AIRE: variants seen among roughly 807,000 people sequenced by gnomAD.
AIRE encodes the protein autoimmune polyendocrinopathy candidiasis ectodermal dystrophy protein.
A neutral mutation model predicts 62.1 loss-of-function variants in AIRE; 52 were observed. That is an observed-to-expected ratio of 0.84 (90% confidence interval 0.67 to 1.06). The LOEUF (loss-of-function observed/expected upper bound fraction) is 1.06. Ranked by LOEUF, AIRE falls within the 50% of genes least tolerant of loss-of-function variation. The pLI, the probability that AIRE is intolerant of heterozygous loss-of-function variation, is 0.00. For synonymous variants in AIRE, 342 were observed against 321.6 expected (o/e 1.06, Z -0.68); for missense variants, 774 against 755.8 (o/e 1.02, Z -0.28).
Position 44,297,628 on chromosome 21 carries a change from AG to A in AIRE, c.1567-26del, listed in dbSNP as rs1286746571. 1 of 1,588,908 alleles carries A rather than the reference AG, an allele frequency of 6.3e-7. No individual in the cohort carries two copies. The highest frequency in any genetic ancestry group is 1.3e-5 in the African/African-American group (1 of 74,276). Reference sequence around the variant, plus strand: ...GTGGCTGCGGCGGGGGCGCACCTGGAGGTTCTCACCGTCACTCTGTCCCGCA... The same window carrying A: ...GTGGCTGCGGCGGGGGCGCACCTGGAGTTCTCACCGTCACTCTGTCCCGCA... On this transcript the variant is annotated intron_variant, in intron 13 of 13. Coordinates refer to ENST00000291582, the MANE Select transcript of AIRE (RefSeq NM_000383.4). This position sits in a 1 kb window ranked among gnomAD's most constrained non-coding sequence, Gnocchi z 4.8.
intron 13 of AIRE, 23 bp downstream of exon 13, chr21:44,296,468 G>A (rs1418140710): frequency 1.2e-6 from 2 of 1,605,574 alleles, no homozygotes; most frequent in Non-Finnish European, 1.7e-6. Context: ...CTGGCCTCCT[G>A]GTGCTCCTCC....
intron 8 of AIRE, among the ~76,000 whole-genome samples, chr21:44,291,973 A>C (rs987321186): frequency 8.5e-5 from 13 of 152,142 alleles, no homozygotes; most frequent in Non-Finnish European, 2.9e-5. Flanking sequence ...TCCCCTTAAC[A>C]GGTGGGTCAG....
chr21:44,292,008 C>T (rs2040546122), intron 8 of AIRE, among the ~76,000 whole-genome samples: 1 of 152,192 alleles, frequency 6.6e-6, no homozygotes, highest in African/African-American at 2.4e-5. Flanking sequence ...CGGCAGGGCC[C>T]AGCCCTGAGA....
At chr21:44,290,126 C>A (rs1317837492) in intron 7 of AIRE, 58 bp downstream of exon 7, 1 of 1,568,752 alleles carries the variant, frequency 6.4e-7, no homozygotes, top group Non-Finnish European at 8.7e-7. Context: ...TCGGGTGGGT[C>A]CTGCTGCCTC....
Position 44,292,671 on chromosome 21 carries a change from C to T in AIRE, c.1095+270C>T, listed in dbSNP as rs74822474. On this transcript the variant is annotated intron_variant, in intron 9 of 13. Transcript: ENST00000291582. Reference sequence around the variant, plus strand: ...GCACTATGAGCATTGATAACGGCCCCGGAAGATGTGTTCCTTGTTCTGCTG... The same window carrying T: ...GCACTATGAGCATTGATAACGGCCCTGGAAGATGTGTTCCTTGTTCTGCTG... Among the ~76,000 whole-genome samples, 1,060 of 152,300 alleles carry T rather than the reference C, an allele frequency of 7.0e-3. 13 individuals carry two copies. The highest frequency in any genetic ancestry group is 0.024 in the African/African-American group (980 of 41,550).
At chr21:44,289,454 T>G in intron 5 of AIRE, 1 of 640,624 alleles carries the variant, frequency 1.6e-6, no homozygotes, top group Admixed American at 3.0e-5. Context: ...GGACGTGAAC[T>G]TCGGGGGACG....
intron 5 of AIRE, 185 bp downstream of exon 5, chr21:44,288,643 C>G (rs1023438054): frequency 1.7e-6 from 1 of 586,864 alleles, no homozygotes; most frequent in East Asian, 2.8e-5. Flanking sequence ...GTCTCCCTGT[C>G]GGGGGACCTT....
chr21:44,288,222 C>T, intron 4 of AIRE, 123 bp from the exon 5 acceptor site: 4 of 822,482 alleles, frequency 4.9e-6, no homozygotes, highest in Non-Finnish European at 8.3e-6. Context: ...GGGTCCCCTC[C>T]TTGGCCTGCC....
In AIRE at chr21:44,291,101, G is replaced by A; in HGVS notation, c.886G>A (p.Glu296Lys). ...PSDPQLHQKN[E>K]DECAVCRDGG... is the part of the protein sequence containing the mutation. ...CGTCTCTTGCCTGTGCCAGAAGAAT[G>A]AGGACGAGTGTGCCGTGTGTCGGGA... The change falls in exon 8 of 14, where the codon GAG becomes AAG. Residue 296 changes from glutamate (E) to lysine (K), a missense_variant. Around this residue, in one of 3 missense-constraint regions of AIRE, gnomAD observed 35 missense variants for 63.7 expected, o/e 0.55. Coordinates refer to ENST00000291582, the MANE Select transcript of AIRE (RefSeq NM_000383.4). 2 of 1,613,014 alleles carry A rather than the reference G, an allele frequency of 1.2e-6. No individual in the cohort carries two copies. Among genetic ancestry groups the A allele is most frequent in the Non-Finnish European group, 8.5e-7 (1 of 1,179,814 alleles).
chr21:44,285,935 G>A lies in AIRE; in HGVS notation c.-72G>A, dbSNP rs1601963858. The A allele has an allele frequency of 4.1e-6, 6 of 1,451,006 alleles. No individual in the cohort carries two copies. In the Admixed American group the frequency reaches 6.6e-5, roughly 16 times the overall value. 89.9% of individuals were successfully genotyped at this position (1,451,006 alleles called of 1,614,324 possible). On this transcript the variant is annotated 5_prime_UTR_variant, in exon 1 of 14. Coordinates refer to ENST00000291582, the MANE Select transcript of AIRE (RefSeq NM_000383.4). ...CCCCACAGCCCCGCCGGGACCCGAGGCCAAGCGAGGGGCTGCCAGTGTCCC... is the reference window on the plus strand; with the variant it reads ...CCCCACAGCCCCGCCGGGACCCGAGACCAAGCGAGGGGCTGCCAGTGTCCC...
Position 44,290,050 on chromosome 21 carries a change from T to C in AIRE, c.861T>C (p.Ser287=). ...TTCCCGCCCCTCTGGCCCTCCCCAG[T>C]GACCCCCAGCTCCACCAGGTAATGC... ...GSVPAPLALP[S]DPQLHQKNED... is the part of the protein sequence containing the mutation. The change falls in exon 7 of 14, where the codon AGT becomes AGC. Residue 287 remains serine, a synonymous_variant. Transcript: ENST00000291582. 6.2e-7 allele frequency: 1 copy of C among 1,612,078 alleles called. No individual in the cohort carries two copies. The highest frequency in any genetic ancestry group is 8.5e-7 in the Non-Finnish European group (1 of 1,179,692).
rs55957439 is a variant in AIRE at position 44,297,742 on chromosome 21, G to A, written c.*15G>A. The A allele has an allele frequency of 3.1e-5, 49 of 1,604,008 alleles. No individual in the cohort carries two copies. The East Asian group carries it at 1.1e-3, about 35-fold the overall frequency. ...TCCCCTCCTGACCCCAGATGGCCGGGACATGCAGCTCTGATGAGAGAGTGC... is the reference window on the plus strand; with the variant it reads ...TCCCCTCCTGACCCCAGATGGCCGGAACATGCAGCTCTGATGAGAGAGTGC... On this transcript the variant is annotated 3_prime_UTR_variant, in exon 14 of 14. Transcript: ENST00000291582. This position sits in a 1 kb window ranked among gnomAD's most constrained non-coding sequence, Gnocchi z 4.8.
rs386833673 is a variant in AIRE at position 44,297,727 on chromosome 21, A to T, written c.1638A>T (p.Ter546CysextTer60). 5 of 1,609,712 alleles carry T rather than the reference A, an allele frequency of 3.1e-6. No individual in the cohort carries two copies. The change falls in exon 14 of 14, where the codon TGA becomes TGT. Residue 546 changes from the stop codon to cysteine, a stop_lost. Transcript: ENST00000291582. The surrounding 1 kb of genome is among the most constrained non-coding windows in gnomAD (Gnocchi z 4.8). ...GTCCGGCGGCCCCCTTCCCCTCCTG[A>T]CCCCAGATGGCCGGGACATGCAGCT... is the stretch of plus-strand genomic sequence containing the variant. ...MARPAAPFPS[*>C] is the part of the protein sequence containing the mutation.
rs776250447 is a variant in AIRE at position 44,292,441 on chromosome 21, T to A, written c.1095+40T>A. 24 of 1,411,406 alleles carry A rather than the reference T, an allele frequency of 1.7e-5. No individual in the cohort carries two copies. In the Admixed American group the frequency reaches 4.6e-4, roughly 27 times the overall value. 87.4% of individuals were successfully genotyped at this position (1,411,406 alleles called of 1,614,324 possible). A position where few individuals can be genotyped will look rare whatever the true frequency, so the allele number is the denominator to read the frequency against. The stretch of plus-strand genomic sequence containing the variant: ...CCTCCTAGCCGGGCCACCCCTCCTG[T>A]CCACATGGCCACGCCCCCTCCTAGG... On this transcript the variant is annotated intron_variant, in intron 9 of 13. Coordinates refer to ENST00000291582, the MANE Select transcript of AIRE (RefSeq NM_000383.4).
chr21:44,297,777 C>T lies in AIRE; in HGVS notation c.*50C>T, dbSNP rs768160103. The T allele has an allele frequency of 1.3e-6, 2 of 1,541,372 alleles. No homozygotes were observed. Among genetic ancestry groups the T allele is most frequent in the Non-Finnish European group, 1.8e-6 (2 of 1,117,266 alleles). On this transcript the variant is annotated 3_prime_UTR_variant, in exon 14 of 14. Transcript: ENST00000291582. This position sits in a 1 kb window ranked among gnomAD's most constrained non-coding sequence, Gnocchi z 4.8. ...TCTGATGAGAGAGTGCTGAGAAGGACACCTCCTTCCTCAGTCCTGGAAGCC... is the reference window on the plus strand; with the variant it reads ...TCTGATGAGAGAGTGCTGAGAAGGATACCTCCTTCCTCAGTCCTGGAAGCC...
intron 8 of AIRE, among the ~76,000 whole-genome samples, chr21:44,291,665 GCCT>G (rs1209327327): frequency 4.6e-5 from 7 of 152,236 alleles, no homozygotes; most frequent in Non-Finnish European, 7.4e-5. Context: ...GGGGCGGGAG[GCCT>G]CCTCTGCGTT....
rs1317193614 is a variant in AIRE, at chr21:44,286,519, G to A, written c.133-38G>A. On this transcript the variant is annotated intron_variant, in intron 1 of 13. Transcript: ENST00000291582. This position sits in a 1 kb window ranked among gnomAD's most constrained non-coding sequence, Gnocchi z 6.0. ...GAGATGGGCAGGCCGCAGGGTGTGG[G>A]GGACCATGGCAGGGACCCTCATGCC... is the stretch of plus-strand genomic sequence containing the variant. The A allele has an allele frequency of 1.9e-6, 3 of 1,590,820 alleles. No individual in the cohort carries two copies. The highest frequency in any genetic ancestry group is 2.7e-5 in the African/African-American group (2 of 74,430).
At position 44,293,975 on chromosome 21, in the gene AIRE, TC is replaced by T. The variant is rs1344583515; in HGVS notation, c.1400+69del. The T allele has an allele frequency of 2.3e-4, 286 of 1,217,092 alleles. 3 individuals carry two copies. In the African/African-American group the frequency reaches 6.9e-3, roughly 29 times the overall value. The allele number at this position is 1,217,092 out of a possible 1,614,324, so 75.4% of individuals were successfully genotyped here. On this transcript the variant is annotated intron_variant, in intron 11 of 13. Transcript: ENST00000291582. ...CCACACCCTACACCCCACCCCACACTCCCCACCCACATCATACAGCCCACAA... is the reference window on the plus strand; with the variant it reads ...CCACACCCTACACCCCACCCCACACTCCCACCCACATCATACAGCCCACAA...
At position 44,297,383 on chromosome 21, in the gene AIRE, T is replaced by C. The variant is rs980583467; in HGVS notation, c.1567-273T>C. Among the ~76,000 whole-genome samples, 1 of 147,460 alleles carries C rather than the reference T, an allele frequency of 6.8e-6. No homozygotes were observed. Among genetic ancestry groups the C allele is most frequent in the African/African-American group, 2.5e-5 (1 of 39,930 alleles). On this transcript the variant is annotated intron_variant, in intron 13 of 13. Transcript: ENST00000291582. This position sits in a 1 kb window ranked among gnomAD's most constrained non-coding sequence, Gnocchi z 4.8. ...GCCATGGGGATGTGCCCTGGGCTTA[T>C]AGGATGTGGTGAAGTACACAGGACA...
Sources: allele counts gnomAD v4.1 joint callset (sites outside exome capture counted in the v4.1 genomes callset), GRCh38; gene constraint gnomAD v4.1.1; regional missense constraint gnomAD v4.1.1; non-coding constraint Gnocchi (gnomAD v3.1); transcripts MANE v1.5; gene names NCBI Gene and HGNC (gene_info 2026-07-23, HGNC 2026-07-21).